Variants in OXR1 observed in about 807,000 individuals in gnomAD.
OXR1 encodes oxidation resistance protein 1.
Under a neutral mutation model 104.6 loss-of-function variants are expected in OXR1, and 41 were observed. The observed-to-expected ratio is 0.39, with a 90% CI of 0.31 to 0.51. The LOEUF is 0.51. OXR1 is among the 20% of genes least tolerant of loss of function. OXR1 has a pLI of 0.77. For missense variants in OXR1, 955 were observed against 1,031.9 expected (o/e 0.93, Z 1.02); for synonymous variants, 348 against 348.4 (o/e 1.00, Z 0.01).
intron 3 of OXR1, among the ~76,000 whole-genome samples, chr8:106,528,894 T>C (rs887350054): frequency 6.6e-6 from 1 of 152,212 alleles, no homozygotes; most frequent in Non-Finnish European, 1.5e-5. Flanking sequence ...GCACAGAAAC[T>C]AAAACACATA....
chr8:106,456,562 A>G (rs1820605124), intron 2 of OXR1, among the ~76,000 whole-genome samples: 1 of 152,218 alleles, frequency 6.6e-6, no homozygotes, highest in Non-Finnish European at 1.5e-5. Context: ...TAATTTGAAG[A>G]AGAAACAAAT....
intron 3 of OXR1, among the ~76,000 whole-genome samples, chr8:106,563,296 C>CAAAAAAAAA (rs145929849): frequency 3.7e-4 from 47 of 125,730 alleles, no homozygotes; most frequent in East Asian, 1.3e-3. Flanking sequence ...AAATGGAAAG[C>CAAAAAAAAA]AAAAAAAAAA....
chr8:106,715,707 G>A (rs1038060798), intron 11 of OXR1, among the ~76,000 whole-genome samples: 2 of 152,038 alleles, frequency 1.3e-5, no homozygotes, highest in Admixed American at 6.5e-5. Context: ...AGTCATGAAC[G>A]GGAATTGAGA....
chr8:106,640,253 A>AAT (rs963596113), intron 3 of OXR1, among the ~76,000 whole-genome samples: 2 of 151,370 alleles, frequency 1.3e-5, no homozygotes, highest in African/African-American at 2.4e-5. Context: ...AACCAATGCA[A>AAT]ATATATATAT....
At chr8:106,542,059 A>C (rs1210990147) in intron 3 of OXR1, among the ~76,000 whole-genome samples, 1 of 152,192 alleles carries the variant, frequency 6.6e-6, no homozygotes, top group Non-Finnish European at 1.5e-5. Flanking sequence ...ACTTGAGTCT[A>C]GCTTCTGTAC....
At chr8:106,417,357 A>G (rs555464584) in intron 2 of OXR1, among the ~76,000 whole-genome samples, 2 of 152,270 alleles carry the variant, frequency 1.3e-5, no homozygotes, top group East Asian at 3.9e-4. Flanking sequence ...GAGAATGTAC[A>G]CTTCTTAAAA....
rs546926508 is a variant in OXR1, at chr8:106,399,337, C to G, written c.23+39701C>G. Reference sequence around the variant, plus strand: ...TGATACAGCTGTGACAATAGCAATCCTAGCATTTCATCATCACTATTTGAT... The same window carrying G: ...TGATACAGCTGTGACAATAGCAATCGTAGCATTTCATCATCACTATTTGAT... On this transcript the variant is annotated intron_variant, in intron 2 of 16. Coordinates refer to ENST00000517566, the MANE Select transcript of OXR1 (RefSeq NM_001198533.2). 3.3e-5 allele frequency among the ~76,000 whole-genome samples: 5 copies of G among 152,238 alleles called. No homozygotes were observed. The South Asian group carries it at 1.0e-3, about 31-fold the overall frequency.
intron 3 of OXR1, among the ~76,000 whole-genome samples, chr8:106,574,925 G>A (rs758184644): frequency 4.6e-5 from 7 of 152,104 alleles, no homozygotes; most frequent in South Asian, 2.1e-4. Context: ...CTACAATTCC[G>A]TTAGCCAGAG....
At chr8:106,386,234 C>T (rs532604998) in intron 2 of OXR1, among the ~76,000 whole-genome samples, 1 of 152,274 alleles carries the variant, frequency 6.6e-6, no homozygotes, top group Non-Finnish European at 1.5e-5. Flanking sequence ...GGCTTCAAGC[C>T]TATAAAGGGA....
At chr8:106,358,700 A>T (rs1001866201) in intron 1 of OXR1, among the ~76,000 whole-genome samples, 1 of 152,164 alleles carries the variant, frequency 6.6e-6, no homozygotes, top group African/African-American at 2.4e-5. Context: ...ATCATAGGAC[A>T]CTATAGTAGA....
intron 1 of OXR1, among the ~76,000 whole-genome samples, chr8:106,348,331 A>C (rs1173407923): frequency 6.6e-6 from 1 of 152,140 alleles, no homozygotes; most frequent in Non-Finnish European, 1.5e-5. Flanking sequence ...CTACCTATTT[A>C]TATATTGCAT....
At chr8:106,509,539 C>T (rs1011525857) in intron 2 of OXR1, among the ~76,000 whole-genome samples, 1 of 152,136 alleles carries the variant, frequency 6.6e-6, no homozygotes, top group Non-Finnish European at 1.5e-5. Flanking sequence ...TTGTTGAAAG[C>T]GTTAGATCCT....
At chr8:106,399,543 A>G (rs1817918920) in intron 2 of OXR1, among the ~76,000 whole-genome samples, 3 of 152,210 alleles carry the variant, frequency 2.0e-5, no homozygotes, top group African/African-American at 7.2e-5. Flanking sequence ...ATCATTTGGA[A>G]TAGAATTTCA....
chr8:106,735,515 A>G (rs1834288668), intron 11 of OXR1, among the ~76,000 whole-genome samples: 1 of 152,072 alleles, frequency 6.6e-6, no homozygotes, highest in African/African-American at 2.4e-5. Flanking sequence ...TCCACCCAGG[A>G]AGTGTTTTTC....
chr8:106,508,082 G>A (rs1236025806), intron 2 of OXR1, among the ~76,000 whole-genome samples: 8 of 152,132 alleles, frequency 5.3e-5, no homozygotes, highest in Admixed American at 5.2e-4. Flanking sequence ...CCAGCTTGGG[G>A]TGGGGTCCTT....
At chr8:106,339,891 C>T (rs1815169603) in intron 1 of OXR1, among the ~76,000 whole-genome samples, 1 of 151,878 alleles carries the variant, frequency 6.6e-6, no homozygotes, top group African/African-American at 2.4e-5. Flanking sequence ...GTACTTAGAA[C>T]AAAGTTTAAA....
chr8:106,739,136 C>A (rs185957098), intron 12 of OXR1, among the ~76,000 whole-genome samples: 176 of 145,738 alleles, frequency 1.2e-3, no homozygotes, highest in Admixed American at 2.7e-3. Context: ...AGCCAGCTAG[C>A]TGACTTTTGC....
chr8:106,741,271 A>G (rs1488892405), intron 14 of OXR1, among the ~76,000 whole-genome samples: 2 of 152,172 alleles, frequency 1.3e-5, no homozygotes, highest in Non-Finnish European at 1.5e-5. Context: ...ATCAAACACC[A>G]GAGAGTAACT....
intron 2 of OXR1, among the ~76,000 whole-genome samples, chr8:106,491,569 A>G (rs570181963): frequency 3.3e-4 from 50 of 152,254 alleles, no homozygotes; most frequent in Admixed American, 2.1e-3. Context: ...GAAGTGTGCA[A>G]ATATTGGTAG....
Sources: gnomAD v4.1 joint callset for allele counts (sites outside exome capture counted in the v4.1 genomes callset) on GRCh38, gnomAD v4.1.1 for gene constraint, MANE v1.5 for transcripts, NCBI Gene and HGNC (gene_info 2026-07-23, HGNC 2026-07-21) for gene names.